Variants in HUWE1 observed in about 807,000 individuals in gnomAD.
HUWE1 encodes HECT, UBA and WWE domain containing E3 ubiquitin protein ligase 1.
HUWE1 carries 18 observed loss-of-function variants against 299.4 expected under a neutral mutation model. The ratio of observed to expected loss-of-function variants is 0.06; its 90% CI spans 0.04 to 0.09. The LOEUF (loss-of-function observed/expected upper bound fraction) is 0.09. Among genes scored for constraint, HUWE1 ranks in the 10% least tolerant of loss-of-function variants. The pLI is 1.00. For missense variants in HUWE1, 1,832 were observed against 3,462.3 expected (o/e 0.53, Z 11.82); for synonymous variants, 1,317 against 1,286.1 (o/e 1.02, Z -0.51).
In HUWE1 at chrX:53,558,894, C is replaced by A. The variant is rs781830415; in HGVS notation, c.8005+77G>T. On this transcript the variant is annotated intron_variant, in intron 58 of 83. Coordinates refer to ENST00000262854, the MANE Select transcript of HUWE1 (RefSeq NM_031407.7). Reference sequence around the variant, plus strand: ...GGCAGAGCTTGTAGCCACAGAGAACCAGGGAAACAACTCTCCACACGTTTG... The same window carrying A: ...GGCAGAGCTTGTAGCCACAGAGAACAAGGGAAACAACTCTCCACACGTTTG... 54 of 1,177,111 alleles carry A rather than the reference C, an allele frequency of 4.6e-5. No individual in the cohort carries two copies. The African/African-American group carries it at 8.9e-4, about 19-fold the overall frequency.
At position 53,554,913 on chromosome X, in the gene HUWE1, C is replaced by T. The variant is rs782167746; in HGVS notation, c.8214G>A (p.Thr2738=). 5 of 1,163,906 alleles carry T rather than the reference C, an allele frequency of 4.3e-6. No homozygotes were observed. Among genetic ancestry groups the T allele is most frequent in the Admixed American group, 2.5e-5 (1 of 40,345 alleles). The change falls in exon 61 of 84, where the codon ACG becomes ACA. Residue 2738 remains threonine (T), a synonymous_variant. Coordinates refer to ENST00000262854, the MANE Select transcript of HUWE1 (RefSeq NM_031407.7). ...DSTEQNLSDG[T]PMPDSYPTTP... ...TTGTTGGGTAGCTGTCAGGCATAGG[C>T]GTCCCATCTTTCTCGGAAAGAACAA...
chrX:53,635,062 A>G (rs1003383123), intron 7 of HUWE1, among the ~76,000 whole-genome samples: 2 of 110,963 alleles, frequency 1.8e-5, no homozygotes, highest in African/African-American at 3.3e-5. Flanking sequence ...TGTAAAAAAT[A>G]TATATCTCCC....
intron 61 of HUWE1, among the ~76,000 whole-genome samples, chrX:53,553,916 T>C (rs1013984885): frequency 7.2e-5 from 8 of 111,669 alleles, no homozygotes; most frequent in Non-Finnish European, 1.1e-4. Flanking sequence ...CAAGATGGTA[T>C]AGAGCAGGGA....
chrX:53,598,638 G>A (rs1262746457), intron 29 of HUWE1, among the ~76,000 whole-genome samples: 1 of 111,726 alleles, frequency 9.0e-6, no homozygotes, highest in Non-Finnish European at 1.9e-5. Flanking sequence ...TATACAAAAC[G>A]TGTGTCCATC....
chrX:53,637,208 A>G (rs1473941759), intron 7 of HUWE1, among the ~76,000 whole-genome samples: 5 of 112,368 alleles, frequency 4.4e-5, no homozygotes, highest in African/African-American at 1.6e-4. Flanking sequence ...ATTCTTACAC[A>G]TTGGATCTGC....
At position 53,683,676 on chromosome X, in the gene HUWE1, A is replaced by G. The variant is rs2070310483; in HGVS notation, c.-163+2594T>C. ...CAAGAAACGAGGTGGTCTTCGCCTCAGGTCTAGTTTACCGGCACCCCGGCG... is the reference window on the plus strand; with the variant it reads ...CAAGAAACGAGGTGGTCTTCGCCTCGGGTCTAGTTTACCGGCACCCCGGCG... On this transcript the variant is annotated intron_variant, in intron 2 of 83. Transcript: ENST00000262854. Among the ~76,000 whole-genome samples, 9 of 112,102 alleles carry G rather than the reference A, an allele frequency of 8.0e-5. No individual in the cohort carries two copies. The Admixed American group carries it at 8.4e-4, about 10-fold the overall frequency.
At chrX:53,612,400 T>C (rs1019037978) in intron 23 of HUWE1, among the ~76,000 whole-genome samples, 1 of 112,209 alleles carries the variant, frequency 8.9e-6, no homozygotes, top group Non-Finnish European at 1.9e-5. Context: ...AGAATATTAA[T>C]GCTACTGGGT....
intron 38 of HUWE1, 102 bp from the exon 39 acceptor site, chrX:53,586,673 T>C: frequency 9.2e-7 from 1 of 1,083,893 alleles, no homozygotes; most frequent in Non-Finnish European, 1.3e-6. Context: ...ATTTTAAAAC[T>C]ACAGAAGTAC....
intron 80 of HUWE1, chrX:53,535,882 A>G (rs1005970921): frequency 2.6e-6 from 1 of 380,173 alleles, no homozygotes; most frequent in African/African-American, 2.5e-5. Context: ...CGATTTTTCT[A>G]CAAAGACCTA....
At chrX:53,574,952 T>C (rs891823343) in intron 46 of HUWE1, among the ~76,000 whole-genome samples, 8 of 112,679 alleles carry the variant, frequency 7.1e-5, no homozygotes, top group African/African-American at 1.6e-4. Flanking sequence ...ATTACTAGGT[T>C]GGTTAACTTA....
At chrX:53,670,004 A>T (rs782617276) in intron 3 of HUWE1, among the ~76,000 whole-genome samples, 2 of 112,340 alleles carry the variant, frequency 1.8e-5, no homozygotes, top group Non-Finnish European at 3.8e-5. Flanking sequence ...CTTAGAAAGC[A>T]GCCCTTTAAT....
At chrX:53,601,185 CTT>C (rs60443709) in intron 28 of HUWE1, among the ~76,000 whole-genome samples, 8 of 101,347 alleles carry the variant, frequency 7.9e-5, no homozygotes, top group Admixed American at 1.1e-4. Context: ...AGCCTGATAC[CTT>C]TTTTTTTTTT....
chrX:53,640,424 A>G lies in HUWE1; in HGVS notation c.504+4887T>C, dbSNP rs1214495733. Among the ~76,000 whole-genome samples the G allele has an allele frequency of 3.6e-5, 4 of 112,496 alleles. No homozygotes were observed. In the East Asian group the frequency reaches 8.3e-4, roughly 23 times the overall value. On this transcript the variant is annotated intron_variant, in intron 7 of 83. Transcript: ENST00000262854. ...CAAGTCAAGTTTTTAGAGAAATTTT[A>G]CATTTTAGAGAAACATGAAATTTTT... is the stretch of plus-strand genomic sequence containing the variant.
At chrX:53,576,159 A>G (rs913033221) in intron 44 of HUWE1, among the ~76,000 whole-genome samples, 8 of 112,070 alleles carry the variant, frequency 7.1e-5, no homozygotes, top group African/African-American at 2.6e-4. Flanking sequence ...AAGGAATTCT[A>G]TATGGATCAG....
intron 3 of HUWE1, among the ~76,000 whole-genome samples, chrX:53,661,120 C>T (rs1301218423): frequency 9.3e-6 from 1 of 107,157 alleles, no homozygotes; most frequent in African/African-American, 3.4e-5. Context: ...CTGCAAGCTC[C>T]GCCTCCCGGG....
intron 40 of HUWE1, among the ~76,000 whole-genome samples, chrX:53,584,655 A>G (rs1556971442): frequency 8.9e-6 from 1 of 111,828 alleles, no homozygotes; most frequent in Non-Finnish European, 1.9e-5. Flanking sequence ...CCCAAGGTCT[A>G]ATCAATGACC....
chrX:53,535,261 T>C (rs1297166202), intron 81 of HUWE1, 123 bp downstream of exon 81: 1 of 549,317 alleles, frequency 1.8e-6, no homozygotes, highest in Non-Finnish European at 3.3e-6. Context: ...AAGTGTTTTG[T>C]CTTTTGTGCA....
chrX:53,586,347 A>T, intron 39 of HUWE1, 143 bp downstream of exon 39: 1 of 472,605 alleles, frequency 2.1e-6, no homozygotes, highest in Non-Finnish European at 3.8e-6. Flanking sequence ...CAGAAGAGAA[A>T]CCTAGCTATG....
chrX:53,622,326 C>T (rs1557013069), intron 19 of HUWE1, among the ~76,000 whole-genome samples: 2 of 111,743 alleles, frequency 1.8e-5, no homozygotes, highest in Non-Finnish European at 3.8e-5. Flanking sequence ...CAGGGTTATA[C>T]ATTTTATTCA....
Sources: gnomAD v4.1 joint callset for allele counts (sites outside exome capture counted in the v4.1 genomes callset) on GRCh38, gnomAD v4.1.1 for gene constraint, MANE v1.5 for transcripts, NCBI Gene and HGNC (gene_info 2026-07-23, HGNC 2026-07-21) for gene names.